The following ATP8B1 variants were observed in gnomAD, a reference collection of about 807,000 sequenced individuals.
ATP8B1 encodes phospholipid-transporting ATPase IC.
A neutral mutation model predicts 149.9 loss-of-function variants in ATP8B1; 80 were observed. That is an observed-to-expected ratio of 0.53 (90% CI 0.45 to 0.64). ATP8B1 has a LOEUF of 0.64. Among genes scored for constraint, ATP8B1 ranks in the 30% least tolerant of loss-of-function variants. The pLI is 0.00. For synonymous variants in ATP8B1, 536 were observed against 562.8 expected, an observed-to-expected ratio of 0.95 and a Z score of 0.67; for missense variants, 1,247 against 1,552.6, an observed-to-expected ratio of 0.80 and a Z score of 3.31.
chr18:57,717,541 C>T (rs1431616245), intron 2 of ATP8B1, among the ~76,000 whole-genome samples: 5 of 34,624 alleles, frequency 1.4e-4, no homozygotes, highest in Non-Finnish European at 2.6e-4. Context: ...GAGCAAGACT[C>T]TGTCTCAAAA....
intron 1 of ATP8B1, among the ~76,000 whole-genome samples, chr18:57,788,969 A>C (rs910948793): frequency 2.6e-5 from 4 of 152,120 alleles, no homozygotes; most frequent in Non-Finnish European, 5.9e-5. Context: ...CCCCAAATAA[A>C]ACAAAATGCT....
intron 11 of ATP8B1, 126 bp downstream of exon 11, chr18:57,694,456 G>T: frequency 1.5e-6 from 1 of 674,228 alleles, no homozygotes; most frequent in Non-Finnish European, 2.6e-6. Context: ...TTTGAAGCTT[G>T]GAGTGCCCAA....
chr18:57,698,295 C>T (rs1912929649), intron 6 of ATP8B1, among the ~76,000 whole-genome samples: 1 of 152,050 alleles, frequency 6.6e-6, no homozygotes, highest in South Asian at 2.1e-4. Context: ...CGTGGGGCTT[C>T]AGAGCTTGCC....
intron 2 of ATP8B1, among the ~76,000 whole-genome samples, chr18:57,715,555 T>C (rs1160653084): frequency 6.6e-6 from 1 of 152,028 alleles, no homozygotes; most frequent in Non-Finnish European, 1.5e-5. Flanking sequence ...CAAAGAAGAC[T>C]ACCTCAGGCA....
At chr18:57,659,460 C>T (rs1910245475) in intron 22 of ATP8B1, among the ~76,000 whole-genome samples, 1 of 151,756 alleles carries the variant, frequency 6.6e-6, no homozygotes, top group African/African-American at 2.4e-5. Flanking sequence ...ATCTCCAAAG[C>T]AAACCCGTCC....
At chr18:57,790,522 A>C (rs1294045794) in intron 1 of ATP8B1, among the ~76,000 whole-genome samples, 1 of 152,080 alleles carries the variant, frequency 6.6e-6, no homozygotes, top group African/African-American at 2.4e-5. Flanking sequence ...CCTAGAGCAC[A>C]GCACTAAGCT....
At chr18:57,695,428 G>A in intron 9 of ATP8B1, 22 bp downstream of exon 9, 1 of 1,604,380 alleles carries the variant, frequency 6.2e-7, no homozygotes, top group Non-Finnish European at 8.5e-7. Context: ...TTAAAGCAAA[G>A]TAAGACATGT....
chr18:57,695,873 C>G (rs1294293864), intron 8 of ATP8B1, among the ~76,000 whole-genome samples: 4 of 152,212 alleles, frequency 2.6e-5, no homozygotes, highest in African/African-American at 9.6e-5. Context: ...AATATTTAAT[C>G]ACATTAAAAT....
chr18:57,801,628 C>T (rs1422695161), intron 1 of ATP8B1, among the ~76,000 whole-genome samples: 1 of 152,048 alleles, frequency 6.6e-6, no homozygotes, highest in African/African-American at 2.4e-5. Context: ...GGCTTTATCA[C>T]GCGTGGTTTT....
rs2663859 is a variant in ATP8B1 at position 57,783,555 on chromosome 18, A to G, written c.-26+19443T>C. On this transcript the variant is annotated intron_variant, in intron 1 of 27. Coordinates refer to ENST00000648908, the MANE Select transcript of ATP8B1 (RefSeq NM_001374385.1). Reference sequence around the variant, plus strand: ...GAGACAATATAAAAGGAAATTGAAGACCGGGCATAGTGGCTCATACCTGCA... The same window carrying G: ...GAGACAATATAAAAGGAAATTGAAGGCCGGGCATAGTGGCTCATACCTGCA... Among the ~76,000 whole-genome samples the G allele has an allele frequency of 6.2e-3, 945 of 152,150 alleles. 11 individuals are homozygous for G. Among genetic ancestry groups the G allele is most frequent in the African/African-American group, 0.021 (890 of 41,540 alleles).
chr18:57,761,109 AAATATAAAAT>A (rs1447943359), intron 1 of ATP8B1, among the ~76,000 whole-genome samples: 3 of 100,454 alleles, frequency 3.0e-5, no homozygotes, highest in Non-Finnish European at 4.2e-5. Flanking sequence ...AAATAAAATA[AAATATAAAAT>A]AAAATAAAAT....
chr18:57,666,533 GTTTT>G (rs5825232), intron 20 of ATP8B1, among the ~76,000 whole-genome samples: 1 of 144,048 alleles, frequency 6.9e-6, no homozygotes. Context: ...GGTGAACCGA[GTTTT>G]TTTTTTTTTT....
chr18:57,687,543 T>C (rs1208936457), intron 13 of ATP8B1, among the ~76,000 whole-genome samples: 2 of 152,164 alleles, frequency 1.3e-5, no homozygotes, highest in Non-Finnish European at 2.9e-5. Context: ...GTAGCATGTG[T>C]CAAATTTTCC....
rs535432386 is a variant in ATP8B1, at chr18:57,727,807, A to AACAG, written c.181+3819_181+3820insCTGT. On this transcript the variant is annotated intron_variant, in intron 2 of 27. Transcript: ENST00000648908. ...ATCTCAAAACAAAAACAAACAAACA[A>AACAG]ACAACAAGAAAACTCCAAAAATACA... Among the ~76,000 whole-genome samples, 58 of 151,880 alleles carry AACAG rather than the reference A, an allele frequency of 3.8e-4. 1 individual carries two copies. The East Asian group carries it at 0.01, about 27-fold the overall frequency.
In ATP8B1 at chr18:57,723,125, A is replaced by G. The variant is rs1241345301; in HGVS notation, c.181+8502T>C. 4.6e-5 allele frequency among the ~76,000 whole-genome samples: 7 copies of G among 151,178 alleles called. No individual in the cohort carries two copies. The South Asian group carries it at 1.3e-3, about 27-fold the overall frequency. ...AAAATAATAAGAGCTATCTATGACA[A>G]ACCCACAGCCAATATCATACTGAAT... On this transcript the variant is annotated intron_variant, in intron 2 of 27. Coordinates refer to ENST00000648908, the MANE Select transcript of ATP8B1 (RefSeq NM_001374385.1).
intron 1 of ATP8B1, among the ~76,000 whole-genome samples, chr18:57,768,386 C>CAAAAAAAAAAAAAA (rs145660399): frequency 2.3e-4 from 16 of 68,170 alleles, no homozygotes; most frequent in East Asian, 4.8e-4. Flanking sequence ...GACCCTGTCT[C>CAAAAAAAAAAAAAA]AAAAAAAAAA....
intron 1 of ATP8B1, among the ~76,000 whole-genome samples, chr18:57,796,931 G>A (rs2080521027): frequency 6.6e-6 from 1 of 152,204 alleles, no homozygotes; most frequent in Non-Finnish European, 1.5e-5. Flanking sequence ...GATTACAGGT[G>A]TTAGCTATGT....
chr18:57,731,536 C>T (rs972949830), intron 2 of ATP8B1, 91 bp downstream of exon 2: 27 of 1,436,868 alleles, frequency 1.9e-5, no homozygotes, highest in Middle Eastern at 3.5e-4. Flanking sequence ...TCCTAGACCA[C>T]GCAAAATAGA....
chr18:57,773,314 C>T (rs1257557183), intron 1 of ATP8B1, among the ~76,000 whole-genome samples: 1 of 152,080 alleles, frequency 6.6e-6, no homozygotes, highest in African/African-American at 2.4e-5. Flanking sequence ...TTACTGTCCT[C>T]TGGCAACAGG....
Sources: gnomAD v4.1 joint callset for allele counts (sites outside exome capture counted in the v4.1 genomes callset) on GRCh38, gnomAD v4.1.1 for gene constraint, MANE v1.5 for transcripts, NCBI Gene and HGNC (gene_info 2026-07-23, HGNC 2026-07-21) for gene names.